Variants in PUS3 observed in about 807,000 individuals in gnomAD.
PUS3 encodes the protein pseudouridine synthase 3.
A neutral mutation model predicts 43.3 loss-of-function variants in PUS3; 36 were observed. The ratio of observed to expected loss-of-function variants is 0.83; its 90% confidence interval spans 0.64 to 1.10. PUS3 has a LOEUF of 1.10. Among genes scored for constraint, PUS3 ranks in the 50% least tolerant of loss-of-function variants. PUS3 has a pLI of 0.00. For missense variants in PUS3, 544 were observed against 589.9 expected (o/e 0.92, Z 0.81); for synonymous variants, 183 against 199.2 (o/e 0.92, Z 0.69).
Position 125,895,651 on chromosome 11 carries a change from G to C in PUS3, c.517C>G (p.Arg173Gly). ...ILNRVLPPDI[R>G]ILAWAPVEPS... is the part of the protein sequence containing the mutation. ...TCTACAGGGGCCCAGGCCAATATAC[G>C]GATGTCTGGAGGGAGTACCCGATTG... The change falls in exon 3 of 4, where the codon CGT becomes GGT. Residue 173 changes from arginine (R) to glycine (G), a missense_variant. Transcript: ENST00000227474. The C allele has an allele frequency of 1.2e-6, 2 of 1,614,210 alleles. No homozygotes were observed. Among genetic ancestry groups the C allele is most frequent in the East Asian group, 4.5e-5 (2 of 44,880 alleles).
chr11:125,900,449 C>A, intron 1 of PUS3: 1 of 611,376 alleles, frequency 1.6e-6, no homozygotes, highest in Non-Finnish European at 2.9e-6. Context: ...TCCAAATTGC[C>A]ACTCAAATCC....
chr11:125,900,139 T>C lies in PUS3; in HGVS notation c.-47+3031A>G, dbSNP rs953498744. ...CAGAACCCCAATCCAAACCTCAGCA[T>C]ATATATGTCCCAAACAATTATCTAG... is the stretch of plus-strand genomic sequence containing the variant. On this transcript the variant is annotated intron_variant, in intron 1 of 3. Coordinates refer to ENST00000227474, the MANE Select transcript of PUS3 (RefSeq NM_031307.4). 10 of 1,614,054 alleles carry C rather than the reference T, an allele frequency of 6.2e-6. No individual in the cohort carries two copies. The highest frequency in any genetic ancestry group is 6.8e-6 in the Non-Finnish European group (8 of 1,180,036).
intron 1 of PUS3, chr11:125,900,374 T>C: frequency 9.5e-7 from 1 of 1,050,618 alleles, no homozygotes; most frequent in Non-Finnish European, 1.4e-6. Context: ...AAACATTTTA[T>C]GGTAAGGACT....
At chr11:125,900,349 T>C (rs1944733583) in intron 1 of PUS3, 2 of 1,377,264 alleles carry the variant, frequency 1.5e-6, no homozygotes, top group African/African-American at 1.4e-5. Flanking sequence ...AACAACTGTC[T>C]TGAGAAGCTC....
chr11:125,896,782 C>T (rs1026232810), intron 1 of PUS3, among the ~76,000 whole-genome samples: 1 of 152,076 alleles, frequency 6.6e-6, no homozygotes, highest in African/African-American at 2.4e-5. Flanking sequence ...AAATAAATGA[C>T]TTGTATGCTC....
At chr11:125,900,750 C>T in intron 1 of PUS3, 1 of 175,030 alleles carries the variant, frequency 5.7e-6, no homozygotes, top group South Asian at 1.3e-4. Context: ...GTGGCTCACG[C>T]CTGTAATCCC....
chr11:125,899,288 C>A, intron 1 of PUS3: 1 of 1,289,934 alleles, frequency 7.8e-7, no homozygotes, highest in Non-Finnish European at 1.1e-6. Context: ...AGGGAATGAG[C>A]AATTTATGAG....
rs1173670200 is a variant in PUS3 at position 125,893,593 on chromosome 11, G to A, written c.*192C>T. On this transcript the variant is annotated 3_prime_UTR_variant, in exon 4 of 4. Transcript: ENST00000227474. ...TTTAATCGCTTAATCCTTTTGGACC[G>A]GGATAAGAGAATATTTGAAATTTCT... The A allele has an allele frequency of 1.5e-5, 7 of 481,770 alleles. No individual in the cohort carries two copies. The highest frequency in any genetic ancestry group is 4.4e-5 in the South Asian group (1 of 22,818). The allele number at this position is 481,770 out of a possible 1,614,324, so 29.8% of individuals were successfully genotyped here.
At chr11:125,900,233 C>A in intron 1 of PUS3, 1 of 1,614,168 alleles carries the variant, frequency 6.2e-7, no homozygotes, top group South Asian at 1.1e-5. Flanking sequence ...TGGTGTCATA[C>A]CCAGGAAGCT....
At chr11:125,899,870 C>T (rs1353776822) in intron 1 of PUS3, 8 of 1,614,092 alleles carry the variant, frequency 5.0e-6, no homozygotes, top group Non-Finnish European at 5.9e-6. Context: ...TCAAGATCAG[C>T]TCATTTGCTC....
chr11:125,900,433 G>T, intron 1 of PUS3: 1 of 651,032 alleles, frequency 1.5e-6, no homozygotes, highest in Non-Finnish European at 2.7e-6. Flanking sequence ...GGTATCAGAT[G>T]ATACTTCCAA....
intron 1 of PUS3, chr11:125,900,222 A>G: frequency 1.9e-6 from 3 of 1,614,154 alleles, no homozygotes; most frequent in Non-Finnish European, 2.5e-6. Context: ...GACCTTGCAA[A>G]TGGTGTCATA....
Position 125,895,315 on chromosome 11 carries a change from T to G in PUS3, c.853A>C (p.Ile285Leu), listed in dbSNP as rs575899270. Residue 285 changes from isoleucine (I) to leucine (L), a missense_variant, in exon 3 of 4, where the codon ATC becomes CTC. Physicochemically the swap from Ile to Leu is conservative, Grantham distance 5 (BLOSUM62 2). Coordinates refer to ENST00000227474, the MANE Select transcript of PUS3 (RefSeq NM_031307.4). ...LYHQVRCMMA[I>L]LFLIGQGMEK... is the part of the protein sequence containing the mutation. Reference sequence around the variant, plus strand: ...ATTCCTTGGCCAATCAGAAAGAGGATAGCCATCATACATCGGACTTGATGA... The same window carrying G: ...ATTCCTTGGCCAATCAGAAAGAGGAGAGCCATCATACATCGGACTTGATGA... 5.1e-5 allele frequency: 82 copies of G among 1,614,136 alleles called. No individual in the cohort carries two copies. The South Asian group carries it at 8.8e-4, about 17-fold the overall frequency.
chr11:125,896,061 C>A lies in PUS3; in HGVS notation c.224G>T (p.Gly75Val), dbSNP rs142195744. Residue 75 changes from glycine to valine, a missense_variant, in exon 2 of 4, where the codon GGA becomes GTA. Transcript: ENST00000227474. ...VALRIAYMGW[G>V]YQGFASQENT... ...TTCCTGACTAGCAAAGCCCTGGTAT[C>A]CCCAGCCCATATAGGCTATTCTTAG... 8.1e-6 allele frequency: 13 copies of A among 1,614,068 alleles called. No individual in the cohort carries two copies. The African/African-American group carries it at 1.5e-4, about 18-fold the overall frequency.
intron 1 of PUS3, 24 bp from the exon 2 acceptor site, chr11:125,896,354 A>G (rs905234224): frequency 7.1e-7 from 1 of 1,403,484 alleles, no homozygotes; most frequent in East Asian, 2.3e-5. Context: ...AAAGGGATAC[A>G]ACAGTTTCAA....
At position 125,895,708 on chromosome 11, in the gene PUS3, C is replaced by G; in HGVS notation, c.460G>C (p.Ala154Pro). 1 of 1,613,860 alleles carries G rather than the reference C, an allele frequency of 6.2e-7. No individual in the cohort carries two copies. The highest frequency in any genetic ancestry group is 8.5e-7 in the Non-Finnish European group (1 of 1,180,000). The change falls in exon 3 of 4, where the codon GCT (alanine) becomes CCT (proline). Residue 154 changes from alanine to proline, a missense_variant. Ala to Pro is a conservative substitution (Grantham distance 27, BLOSUM62 -1). Coordinates refer to ENST00000227474, the MANE Select transcript of PUS3 (RefSeq NM_031307.4). Reference protein sequence around the residue: ...DFNVKEEANAAAEEIRYTHIL... With the variant: ...DFNVKEEANAPAEEIRYTHIL... ...TGGGTATAACGGATCTCTTCAGCAG[C>G]AGCATTAGCCTCCTCTTTTACATTA... is the stretch of plus-strand genomic sequence containing the variant.
At position 125,898,749 on chromosome 11, in the gene PUS3, C is replaced by T. The variant is rs116121895; in HGVS notation, c.-46-2419G>A. Reference sequence around the variant, plus strand: ...CACATTATATGTGTGTGAGAGAACACAACACTGCTTTTGTGATTTTTTTTT... The same window carrying T: ...CACATTATATGTGTGTGAGAGAACATAACACTGCTTTTGTGATTTTTTTTT... On this transcript the variant is annotated intron_variant, in intron 1 of 3. Transcript: ENST00000227474. 3.6e-3 allele frequency among the ~76,000 whole-genome samples: 534 copies of T among 150,182 alleles called. 6 individuals carry two copies. Among genetic ancestry groups the T allele is most frequent in the African/African-American group, 0.012 (510 of 41,188 alleles).
At chr11:125,899,149 A>G in intron 1 of PUS3, 1 of 552,282 alleles carries the variant, frequency 1.8e-6, no homozygotes, top group Non-Finnish European at 3.2e-6. Context: ...AAGAGTGGAA[A>G]TGAAAGCAGG....
At chr11:125,899,426 A>G (rs148189957) in intron 1 of PUS3, 1 of 1,614,116 alleles carries the variant, frequency 6.2e-7, no homozygotes, top group African/African-American at 1.3e-5. Context: ...AGAAGAACGA[A>G]TGTTGGCAGC....
Sources: allele counts gnomAD v4.1 joint callset (sites outside exome capture counted in the v4.1 genomes callset), GRCh38; gene constraint gnomAD v4.1.1; transcripts MANE v1.5; gene names NCBI Gene and HGNC (gene_info 2026-07-23, HGNC 2026-07-21).